The following CHCHD3 variants were observed in gnomAD, a reference collection of about 807,000 sequenced individuals.
The protein encoded by CHCHD3 is coiled-coil-helix-coiled-coil-helix domain containing 3.
A neutral mutation model predicts 38.2 loss-of-function variants in CHCHD3; 20 were observed. The ratio of observed to expected loss-of-function variants is 0.52; its 90% CI spans 0.37 to 0.76. The LOEUF is 0.76. Among genes scored for constraint, CHCHD3 ranks in the 30% least tolerant of loss-of-function variants. CHCHD3 has a pLI of 0.00. For missense variants in CHCHD3, 245 were observed against 279.2 expected, an observed-to-expected ratio of 0.88 and a Z score of 0.87; for synonymous variants, 82 against 100.0, an observed-to-expected ratio of 0.82 and a Z score of 1.07.
At chr7:132,933,821 T>C (rs1810572645) in intron 4 of CHCHD3, among the ~76,000 whole-genome samples, 1 of 152,176 alleles carries the variant, frequency 6.6e-6, no homozygotes, top group African/African-American at 2.4e-5. Flanking sequence ...GAAGAGACAA[T>C]GTGCCAGGTC....
intron 4 of CHCHD3, among the ~76,000 whole-genome samples, chr7:132,906,443 A>T (rs1188684598): frequency 2.0e-5 from 3 of 152,222 alleles, no homozygotes; most frequent in Non-Finnish European, 4.4e-5. Flanking sequence ...TTCCTGAAAG[A>T]TGAGCATTGA....
chr7:133,067,109 T>C (rs1814691024), intron 2 of CHCHD3, among the ~76,000 whole-genome samples: 1 of 152,240 alleles, frequency 6.6e-6, no homozygotes, highest in African/African-American at 2.4e-5. Context: ...AAATGGGTTA[T>C]CACAGGTCCT....
Position 133,082,001 on chromosome 7 carries a change from C to G in CHCHD3, c.-64G>C, listed in dbSNP as rs766465148. 7.2e-7 allele frequency: 1 copy of G among 1,387,358 alleles called. No homozygotes were observed. The highest frequency in any genetic ancestry group is 9.7e-7 in the Non-Finnish European group (1 of 1,031,284). 85.9% of individuals were successfully genotyped at this position (1,387,358 alleles called of 1,614,324 possible). A position where few individuals can be genotyped will look rare whatever the true frequency, so the allele number is the denominator to read the frequency against. On this transcript the variant is annotated 5_prime_UTR_variant, in exon 1 of 8. Coordinates refer to ENST00000262570, the MANE Select transcript of CHCHD3 (RefSeq NM_017812.4). ...CCACGAGCACTTCGGGGCCCCCGCA[C>G]CCACACGCGCGTGGAAGGGCCTGGA... is the stretch of plus-strand genomic sequence containing the variant.
intron 2 of CHCHD3, among the ~76,000 whole-genome samples, chr7:133,049,779 T>C (rs1814096080): frequency 1.3e-5 from 2 of 152,198 alleles, no homozygotes; most frequent in African/African-American, 4.8e-5. Flanking sequence ...TGTCTGAACA[T>C]GAAACAATTT....
At chr7:132,975,790 G>A (rs1811748664) in intron 3 of CHCHD3, among the ~76,000 whole-genome samples, 2 of 152,114 alleles carry the variant, frequency 1.3e-5, no homozygotes, top group Non-Finnish European at 2.9e-5. Context: ...ACTTCGCTGG[G>A]CGTGGTGATA....
intron 2 of CHCHD3, among the ~76,000 whole-genome samples, chr7:133,048,251 A>T (rs567293793): frequency 6.6e-6 from 1 of 152,342 alleles, no homozygotes; most frequent in South Asian, 2.1e-4. Flanking sequence ...ATATCTGCTT[A>T]TATCTGCTAG....
chr7:132,824,604 A>G (rs561835494), intron 6 of CHCHD3, among the ~76,000 whole-genome samples: 7 of 152,226 alleles, frequency 4.6e-5, no homozygotes, highest in African/African-American at 1.7e-4. Flanking sequence ...ATGAGCCACC[A>G]CGCTCGGCCA....
intron 5 of CHCHD3, among the ~76,000 whole-genome samples, chr7:132,865,548 A>G (rs1808597466): frequency 6.6e-6 from 1 of 152,166 alleles, no homozygotes; most frequent in Admixed American, 6.5e-5. Flanking sequence ...TCCGTGGCCG[A>G]CTGCCATGGT....
Position 133,051,349 on chromosome 7 carries a change from C to T in CHCHD3, c.169+18793G>A, listed in dbSNP as rs112655958. Among the ~76,000 whole-genome samples, 729 of 152,278 alleles carry T rather than the reference C, an allele frequency of 4.8e-3. 10 individuals are homozygous for T. The highest frequency in any genetic ancestry group is 0.016 in the African/African-American group (674 of 41,550). ...GCGGGGAGATAGCATGACACACACA[C>T]CCTTCCAAACCAAAACACAGCTGCT... On this transcript the variant is annotated intron_variant, in intron 2 of 7. Coordinates refer to ENST00000262570, the MANE Select transcript of CHCHD3 (RefSeq NM_017812.4).
intron 4 of CHCHD3, among the ~76,000 whole-genome samples, chr7:132,890,913 A>G (rs1487898663): frequency 6.6e-6 from 1 of 152,264 alleles, no homozygotes; most frequent in African/African-American, 2.4e-5. Flanking sequence ...ACATAGGCAG[A>G]TGAGCAAATA....
intron 3 of CHCHD3, among the ~76,000 whole-genome samples, chr7:133,017,368 T>C (rs1050787075): frequency 1.3e-4 from 20 of 152,336 alleles, no homozygotes; most frequent in African/African-American, 4.3e-4. Context: ...AAATCAGTGA[T>C]AATACTGACA....
intron 4 of CHCHD3, among the ~76,000 whole-genome samples, chr7:132,956,853 G>A (rs1186093436): frequency 6.6e-6 from 1 of 152,206 alleles, no homozygotes; most frequent in African/African-American, 2.4e-5. Flanking sequence ...TAAATGGTGG[G>A]AAGGGCTGCT....
intron 5 of CHCHD3, 81 bp downstream of exon 5, chr7:132,885,580 GT>G (rs1362403094): frequency 1.6e-5 from 18 of 1,122,416 alleles, no homozygotes; most frequent in Non-Finnish European, 2.2e-5. Context: ...AGCAGTTGAA[GT>G]TCTAATTTAT....
At chr7:132,879,008 C>T (rs957226919) in intron 5 of CHCHD3, among the ~76,000 whole-genome samples, 1 of 152,046 alleles carries the variant, frequency 6.6e-6, no homozygotes, top group Non-Finnish European at 1.5e-5. Flanking sequence ...AGGCAAAGAT[C>T]CTGACATGGG....
At chr7:132,810,143 C>T (rs1807030952) in intron 6 of CHCHD3, among the ~76,000 whole-genome samples, 2 of 152,194 alleles carry the variant, frequency 1.3e-5, no homozygotes, top group Admixed American at 1.3e-4. Flanking sequence ...CACATGATAA[C>T]ATTATTTACT....
chr7:133,073,860 T>C (rs1055133393), intron 1 of CHCHD3, among the ~76,000 whole-genome samples: 5 of 152,212 alleles, frequency 3.3e-5, no homozygotes, highest in Non-Finnish European at 7.3e-5. Context: ...CAACCTCAAA[T>C]TCTACAGTTT....
intron 5 of CHCHD3, among the ~76,000 whole-genome samples, chr7:132,845,936 CT>C (rs1473071423): frequency 6.6e-6 from 1 of 152,042 alleles, no homozygotes; most frequent in African/African-American, 2.4e-5. Context: ...ATGGTATCAC[CT>C]TTTATTCAGT....
chr7:132,951,112 G>A (rs550822865), intron 4 of CHCHD3, among the ~76,000 whole-genome samples: 1 of 152,268 alleles, frequency 6.6e-6, no homozygotes, highest in South Asian at 2.1e-4. Flanking sequence ...TAATTCTAAT[G>A]TCATGATCCC....
chr7:133,005,865 T>A (rs1234012104), intron 3 of CHCHD3, among the ~76,000 whole-genome samples: 1 of 152,182 alleles, frequency 6.6e-6, no homozygotes, highest in African/African-American at 2.4e-5. Context: ...TAAATCACAT[T>A]TACGCCAGAT....
Sources: allele counts gnomAD v4.1 joint callset (sites outside exome capture counted in the v4.1 genomes callset), GRCh38; gene constraint gnomAD v4.1.1; transcripts MANE v1.5; gene names NCBI Gene and HGNC (gene_info 2026-07-23, HGNC 2026-07-21).